CCDC85A: variants seen among roughly 807,000 people sequenced by gnomAD.
CCDC85A encodes coiled-coil domain containing 85A, also known as coiled-coil domain-containing protein 85A.
CCDC85A carries 38 observed loss-of-function variants against 50.2 expected under a neutral mutation model. The observed-to-expected ratio is 0.76, with a 90% CI of 0.58 to 0.99. The LOEUF (loss-of-function observed/expected upper bound fraction) is 0.99, where lower values mean the gene tolerates loss of function less well. Ranked by LOEUF, CCDC85A falls within the 50% of genes least tolerant of loss-of-function variation. The probability of loss-of-function intolerance (pLI) is 0.00; values close to 1 mark genes in which losing one functional copy is unlikely to be tolerated. For synonymous variants in CCDC85A, 366 were observed against 301.4 expected, an observed-to-expected ratio of 1.21 and a Z score of -2.22; for missense variants, 820 against 742.0, an observed-to-expected ratio of 1.11 and a Z score of -1.22.
intron 2 of CCDC85A, among the ~76,000 whole-genome samples, chr2:56,239,802 T>C (rs1337229094): frequency 6.6e-6 from 1 of 152,182 alleles, no homozygotes; most frequent in Non-Finnish European, 1.5e-5. Context: ...GATGATGTGA[T>C]AATTTTGTTG....
At chr2:56,344,832 GA>G (rs1019410460) in intron 3 of CCDC85A, among the ~76,000 whole-genome samples, 7 of 150,830 alleles carry the variant, frequency 4.6e-5, no homozygotes, top group Non-Finnish European at 7.4e-5. Context: ...AAAAGAAATA[GA>G]AAAAAAATCC....
chr2:56,277,578 T>C (rs1671011056), intron 2 of CCDC85A, among the ~76,000 whole-genome samples: 1 of 152,232 alleles, frequency 6.6e-6, no homozygotes, highest in Non-Finnish European at 1.5e-5. Flanking sequence ...TATGTGATAA[T>C]TGCTTCAGAC....
At chr2:56,218,928 C>A (rs1040498307) in intron 2 of CCDC85A, among the ~76,000 whole-genome samples, 1 of 151,528 alleles carries the variant, frequency 6.6e-6, no homozygotes, top group Admixed American at 6.6e-5. Flanking sequence ...ATGAGAAAAT[C>A]ATTTTATTCA....
intron 2 of CCDC85A, among the ~76,000 whole-genome samples, chr2:56,304,811 G>T (rs972929423): frequency 6.6e-6 from 1 of 151,898 alleles, no homozygotes; most frequent in Admixed American, 6.6e-5. Flanking sequence ...CACTTTGGGG[G>T]GCCAGGGCGG....
At chr2:56,233,601 T>C (rs2103944179) in intron 2 of CCDC85A, among the ~76,000 whole-genome samples, 1 of 152,246 alleles carries the variant, frequency 6.6e-6, no homozygotes, top group South Asian at 2.1e-4. Context: ...TTTTACATCA[T>C]AAAATACTAA....
intron 2 of CCDC85A, among the ~76,000 whole-genome samples, chr2:56,274,102 C>T (rs575150467): frequency 3.3e-5 from 5 of 152,254 alleles, no homozygotes; most frequent in Middle Eastern, 3.4e-3. Flanking sequence ...CTAGTGAACT[C>T]TGTAAAACTA....
chr2:56,193,988 A>T (rs1450073908), intron 2 of CCDC85A, among the ~76,000 whole-genome samples: 1 of 152,198 alleles, frequency 6.6e-6, no homozygotes, highest in Non-Finnish European at 1.5e-5. Context: ...GCCTGACTTT[A>T]CCTTAAGGAT....
chr2:56,349,168 T>C (rs1193842136), intron 3 of CCDC85A, among the ~76,000 whole-genome samples: 1 of 152,004 alleles, frequency 6.6e-6, no homozygotes, highest in African/African-American at 2.4e-5. Flanking sequence ...ATGTTACTGA[T>C]TGGAAAAATT....
rs573121724 is a variant in CCDC85A at position 56,206,506 on chromosome 2, G to A, written c.1240+13066G>A. On this transcript the variant is annotated intron_variant, in intron 2 of 5. Coordinates refer to ENST00000407595, the MANE Select transcript of CCDC85A (RefSeq NM_001080433.2). The stretch of plus-strand genomic sequence containing the variant: ...GGCCTTTGTGCTGCATCATCCCATG[G>A]TGGGAGGCAAGAGGGCAAGAGGGCA... Among the ~76,000 whole-genome samples, 4 of 152,224 alleles carry A rather than the reference G, an allele frequency of 2.6e-5. No homozygotes were observed. In the East Asian group the frequency reaches 7.8e-4, roughly 30 times the overall value.
At chr2:56,362,925 A>G (rs558204318) in intron 3 of CCDC85A, among the ~76,000 whole-genome samples, 1 of 151,994 alleles carries the variant, frequency 6.6e-6, no homozygotes, top group East Asian at 1.9e-4. Flanking sequence ...TCCCGGCCCC[A>G]TTTAGCTTTT....
chr2:56,374,787 C>T (rs1056742572), intron 4 of CCDC85A, among the ~76,000 whole-genome samples: 2 of 152,136 alleles, frequency 1.3e-5, no homozygotes, highest in Admixed American at 1.3e-4. Flanking sequence ...CCAGCCTGGG[C>T]GATGGAGAGA....
intron 3 of CCDC85A, among the ~76,000 whole-genome samples, chr2:56,369,480 G>C (rs541297785): frequency 2.5e-4 from 38 of 152,200 alleles, no homozygotes; most frequent in African/African-American, 9.1e-4. Flanking sequence ...AAGTCCTGAG[G>C]ACTAAAGGCT....
At chr2:56,217,573 T>C (rs1668126884) in intron 2 of CCDC85A, among the ~76,000 whole-genome samples, 1 of 151,930 alleles carries the variant, frequency 6.6e-6, no homozygotes, top group Admixed American at 6.6e-5. Flanking sequence ...AGTAGACAAT[T>C]GTTTTATTTC....
intron 2 of CCDC85A, among the ~76,000 whole-genome samples, chr2:56,304,049 A>G (rs941296011): frequency 3.9e-5 from 6 of 152,218 alleles, no homozygotes; most frequent in African/African-American, 1.4e-4. Context: ...TTTTCATCAA[A>G]TGAAAGTAGT....
At chr2:56,243,556 T>C (rs1381387924) in intron 2 of CCDC85A, among the ~76,000 whole-genome samples, 1 of 152,218 alleles carries the variant, frequency 6.6e-6, no homozygotes, top group African/African-American at 2.4e-5. Context: ...ATCTTGAATT[T>C]TTTTGAGTTT....
intron 1 of CCDC85A, among the ~76,000 whole-genome samples, chr2:56,191,801 C>T (rs562497173): frequency 1.3e-5 from 2 of 152,244 alleles, no homozygotes; most frequent in East Asian, 3.9e-4. Context: ...GCTGAAATGC[C>T]ACTAGAGGGC....
At chr2:56,291,696 G>A (rs1671713194) in intron 2 of CCDC85A, among the ~76,000 whole-genome samples, 1 of 151,890 alleles carries the variant, frequency 6.6e-6, no homozygotes, top group Admixed American at 6.6e-5. Flanking sequence ...ATGAAAGGTT[G>A]GAAATGTAGA....
intron 2 of CCDC85A, among the ~76,000 whole-genome samples, chr2:56,308,822 G>C (rs937115026): frequency 6.6e-6 from 1 of 152,154 alleles, no homozygotes; most frequent in Admixed American, 6.6e-5. Context: ...GACTGGCTTT[G>C]GAGTCACATA....
intron 2 of CCDC85A, among the ~76,000 whole-genome samples, chr2:56,238,748 G>A (rs767654422): frequency 6.6e-6 from 1 of 152,074 alleles, no homozygotes; most frequent in Non-Finnish European, 1.5e-5. Context: ...CACTATATAA[G>A]AGTAAAAAAC....
Sources: allele counts gnomAD v4.1 joint callset (sites outside exome capture counted in the v4.1 genomes callset), GRCh38; gene constraint gnomAD v4.1.1; transcripts MANE v1.5; gene names NCBI Gene and HGNC (gene_info 2026-07-23, HGNC 2026-07-21).